PARD3B: variants seen among roughly 807,000 people sequenced by gnomAD.
PARD3B encodes partitioning defective 3 homolog B.
A neutral mutation model predicts 130.2 loss-of-function variants in PARD3B; 103 were observed. That is an observed-to-expected ratio of 0.79 (90% confidence interval 0.67 to 0.93). PARD3B has a LOEUF of 0.93. PARD3B is among the 40% of genes least tolerant of loss of function. The probability of loss-of-function intolerance (pLI) is 0.00; values close to 1 mark genes in which losing one functional copy is unlikely to be tolerated. For missense variants in PARD3B, 1,609 were observed against 1,499.2 expected, an observed-to-expected ratio of 1.07 and a Z score of -1.21; for synonymous variants, 583 against 553.2, an observed-to-expected ratio of 1.05 and a Z score of -0.76.
chr2:205,169,538 G>T (rs1051634865), intron 11 of PARD3B, among the ~76,000 whole-genome samples: 2 of 152,144 alleles, frequency 1.3e-5, no homozygotes, highest in Admixed American at 1.3e-4. Flanking sequence ...CACAGAAAAG[G>T]TTCACAAGAG....
intron 2 of PARD3B, among the ~76,000 whole-genome samples, chr2:204,775,586 C>T (rs2041584642): frequency 6.6e-6 from 1 of 152,162 alleles, no homozygotes; most frequent in Admixed American, 6.6e-5. Flanking sequence ...AAGGAAACCT[C>T]CATGACTTGG....
intron 15 of PARD3B, among the ~76,000 whole-genome samples, chr2:205,204,842 G>A (rs866238567): frequency 6.6e-6 from 1 of 152,100 alleles, no homozygotes; most frequent in Non-Finnish European, 1.5e-5. Context: ...TGCTGTTTTT[G>A]TTACTGTAGC....
At chr2:205,513,073 C>T (rs1173418424) in intron 21 of PARD3B, among the ~76,000 whole-genome samples, 2 of 151,020 alleles carry the variant, frequency 1.3e-5, no homozygotes, top group Admixed American at 6.6e-5. Context: ...AATTGCCAGG[C>T]GTGCTTCAGC....
rs1035080299 is a variant in PARD3B at position 205,230,367 on chromosome 2, G to A, written c.2141-15411G>A. On this transcript the variant is annotated intron_variant, in intron 15 of 22. Coordinates refer to ENST00000406610, the MANE Select transcript of PARD3B (RefSeq NM_001302769.2). This position sits in a 1 kb window ranked among gnomAD's most constrained non-coding sequence, Gnocchi z 4.1. ...GCAAGTGATGAATCCTACCAGGTCT[G>A]GGTTCTCCCCTTCAAAGCTGCGAGT... Among the ~76,000 whole-genome samples the A allele has an allele frequency of 2.0e-5, 3 of 152,126 alleles. No individual in the cohort carries two copies. Among genetic ancestry groups the A allele is most frequent in the Non-Finnish European group, 4.4e-5 (3 of 68,040 alleles).
chr2:205,391,348 T>C (rs184749638), intron 18 of PARD3B, among the ~76,000 whole-genome samples: 102 of 152,346 alleles, frequency 6.7e-4, no homozygotes, highest in Admixed American at 3.7e-3. Flanking sequence ...TAGGGCTTTA[T>C]GCACATGCCA....
At chr2:205,342,145 A>G (rs971362682) in intron 18 of PARD3B, among the ~76,000 whole-genome samples, 1 of 152,146 alleles carries the variant, frequency 6.6e-6, no homozygotes, top group African/African-American at 2.4e-5. Context: ...GAAGGAATAG[A>G]TGGGAGGGAA....
chr2:204,828,486 G>A (rs2043678444), intron 2 of PARD3B, among the ~76,000 whole-genome samples: 1 of 152,136 alleles, frequency 6.6e-6, no homozygotes, highest in African/African-American at 2.4e-5. Flanking sequence ...AGACTTGAGA[G>A]CCTTTTTTAT....
intron 1 of PARD3B, among the ~76,000 whole-genome samples, chr2:204,627,448 A>G (rs1206192199): frequency 6.6e-6 from 1 of 152,186 alleles, no homozygotes; most frequent in Non-Finnish European, 1.5e-5. Context: ...AAACTGTACA[A>G]CTTAGTAACC....
rs1177466834 is a variant in PARD3B, at chr2:205,589,264, C to A, written c.3261-26192C>A. Among the ~76,000 whole-genome samples the A allele has an allele frequency of 1.3e-5, 2 of 152,208 alleles. No individual in the cohort carries two copies. The highest frequency in any genetic ancestry group is 2.9e-5 in the Non-Finnish European group (2 of 68,044). On this transcript the variant is annotated intron_variant, in intron 22 of 22. Coordinates refer to ENST00000406610, the MANE Select transcript of PARD3B (RefSeq NM_001302769.2). This position sits in a 1 kb window ranked among gnomAD's most constrained non-coding sequence, Gnocchi z 4.1. ...TGTGATCGCACCACTGCCCTGCAGCCTGGGTGGTGAAGCGAGACCCTGTCT... is the reference window on the plus strand; with the variant it reads ...TGTGATCGCACCACTGCCCTGCAGCATGGGTGGTGAAGCGAGACCCTGTCT...
chr2:205,214,176 A>G (rs1166749803), intron 15 of PARD3B, among the ~76,000 whole-genome samples: 1 of 152,130 alleles, frequency 6.6e-6, no homozygotes, highest in Non-Finnish European at 1.5e-5. Flanking sequence ...AGAACAGAGT[A>G]GAAGATAATA....
intron 2 of PARD3B, among the ~76,000 whole-genome samples, chr2:204,933,385 G>T (rs1270277581): frequency 1.3e-5 from 2 of 152,174 alleles, no homozygotes; most frequent in South Asian, 2.1e-4. Context: ...AAATAAAAAT[G>T]TAGGCAGATT....
chr2:204,695,942 A>C (rs1238526265), intron 2 of PARD3B, among the ~76,000 whole-genome samples: 1 of 152,036 alleles, frequency 6.6e-6, no homozygotes, highest in East Asian at 1.9e-4. Flanking sequence ...TGTGGGTGGT[A>C]AGAAGGGATA....
chr2:205,003,752 T>G (rs927042948), intron 3 of PARD3B, among the ~76,000 whole-genome samples: 1 of 152,216 alleles, frequency 6.6e-6, no homozygotes, highest in African/African-American at 2.4e-5. Flanking sequence ...GAATAGTGTC[T>G]GGCACATAGT....
chr2:205,025,044 G>A (rs1007826754), intron 3 of PARD3B, among the ~76,000 whole-genome samples: 5 of 152,098 alleles, frequency 3.3e-5, no homozygotes, highest in African/African-American at 1.2e-4. Flanking sequence ...AATGCATTCA[G>A]TTTAACTAGC....
intron 2 of PARD3B, among the ~76,000 whole-genome samples, chr2:204,946,161 A>T (rs1004986641): frequency 1.3e-5 from 2 of 152,172 alleles, no homozygotes; most frequent in African/African-American, 4.8e-5. Context: ...TTGCATATTC[A>T]TCTGCCCTTC....
chr2:204,560,800 G>A (rs2031258923), intron 1 of PARD3B, among the ~76,000 whole-genome samples: 2 of 152,110 alleles, frequency 1.3e-5, no homozygotes, highest in African/African-American at 2.4e-5. Context: ...GCGCTAGAGA[G>A]TGGAGATAGA....
At chr2:205,380,657 T>TACA (rs2045344346) in intron 18 of PARD3B, among the ~76,000 whole-genome samples, 4 of 92,008 alleles carry the variant, frequency 4.3e-5, no homozygotes, top group African/African-American at 1.9e-4. Context: ...AAAGAATATA[T>TACA]ATTATATATA....
intron 15 of PARD3B, among the ~76,000 whole-genome samples, chr2:205,206,523 A>G (rs1418939794): frequency 6.6e-6 from 1 of 151,508 alleles, no homozygotes; most frequent in East Asian, 1.9e-4. Context: ...AATTTCATCC[A>G]TGTCCCTACA....
chr2:205,517,879 C>CTAA (rs1486647583), intron 21 of PARD3B, among the ~76,000 whole-genome samples: 3 of 152,000 alleles, frequency 2.0e-5, no homozygotes, highest in Non-Finnish European at 4.4e-5. Context: ...TAATATCCAT[C>CTAA]TAATTGCAAG....
Sources: gnomAD v4.1 joint callset for allele counts (sites outside exome capture counted in the v4.1 genomes callset) on GRCh38, gnomAD v4.1.1 for gene constraint, Gnocchi (gnomAD v3.1) non-coding constraint, MANE v1.5 for transcripts, NCBI Gene and HGNC (gene_info 2026-07-23, HGNC 2026-07-21) for gene names.